The following NKAIN2 variants were observed in gnomAD, a reference collection of about 807,000 sequenced individuals.
NKAIN2 encodes sodium/potassium-transporting ATPase subunit beta-1-interacting protein 2.
A neutral mutation model predicts 32.6 loss-of-function variants in NKAIN2; 14 were observed. The observed-to-expected ratio is 0.43, with a 90% CI of 0.28 to 0.67. NKAIN2 has a LOEUF of 0.67. Among genes scored for constraint, NKAIN2 ranks in the 30% least tolerant of loss-of-function variants. The pLI, the probability that NKAIN2 is intolerant of heterozygous loss-of-function variation, is 0.17. For missense variants in NKAIN2, 198 were observed against 258.3 expected (o/e 0.77, Z 1.60); for synonymous variants, 80 against 87.2 (o/e 0.92, Z 0.46).
intron 2 of NKAIN2, among the ~76,000 whole-genome samples, chr6:124,313,592 T>C (rs1168707813): frequency 1.3e-5 from 2 of 152,132 alleles, no homozygotes; most frequent in Admixed American, 6.6e-5. Flanking sequence ...CTGGGATTTC[T>C]TCTTCTCCAG....
At chr6:124,230,391 A>G (rs1792385025) in intron 1 of NKAIN2, among the ~76,000 whole-genome samples, 1 of 152,192 alleles carries the variant, frequency 6.6e-6, no homozygotes, top group Non-Finnish European at 1.5e-5. Flanking sequence ...GTGATAGAAA[A>G]CCAAGTCTCA....
chr6:124,531,993 T>C (rs1420982000), intron 3 of NKAIN2, among the ~76,000 whole-genome samples: 3 of 152,160 alleles, frequency 2.0e-5, no homozygotes, highest in Admixed American at 2.0e-4. Context: ...TTAAAGTCTC[T>C]GGTCTAGAAG....
chr6:124,058,425 G>C (rs1183563102), intron 1 of NKAIN2, among the ~76,000 whole-genome samples: 1 of 152,004 alleles, frequency 6.6e-6, no homozygotes, highest in African/African-American at 2.4e-5. Flanking sequence ...AGCAAATTTA[G>C]CCATCTATTA....
intron 4 of NKAIN2, among the ~76,000 whole-genome samples, chr6:124,685,748 T>C (rs1020342598): frequency 4.6e-5 from 7 of 152,176 alleles, no homozygotes; most frequent in Non-Finnish European, 1.0e-4. Context: ...GATAAAAATA[T>C]CTTGACTACG....
intron 1 of NKAIN2, among the ~76,000 whole-genome samples, chr6:123,909,076 CCA>C (rs1167245327): frequency 3.3e-5 from 5 of 152,094 alleles, no homozygotes; most frequent in Admixed American, 3.3e-4. Context: ...TGAATATATT[CCA>C]GTCATTTTTT....
intron 1 of NKAIN2, among the ~76,000 whole-genome samples, chr6:124,132,668 A>C (rs1328224112): frequency 1.3e-5 from 2 of 152,140 alleles, no homozygotes; most frequent in African/African-American, 4.8e-5. Flanking sequence ...CAACACAATA[A>C]ACCTAGCTAC....
intron 4 of NKAIN2, among the ~76,000 whole-genome samples, chr6:124,675,617 A>T (rs527266505): frequency 1.9e-4 from 29 of 152,062 alleles, no homozygotes; most frequent in African/African-American, 6.3e-4. Flanking sequence ...CATGTCTTCC[A>T]AGTTATCTAA....
intron 1 of NKAIN2, among the ~76,000 whole-genome samples, chr6:123,954,376 A>G (rs1777469485): frequency 6.6e-6 from 1 of 151,914 alleles, no homozygotes; most frequent in Non-Finnish European, 1.5e-5. Flanking sequence ...AGGATATAGA[A>G]GTCCACAGTA....
At chr6:124,580,880 C>G (rs1435931541) in intron 3 of NKAIN2, among the ~76,000 whole-genome samples, 1 of 151,858 alleles carries the variant, frequency 6.6e-6, no homozygotes, top group Non-Finnish European at 1.5e-5. Flanking sequence ...AAAAACAAAA[C>G]AGAAATAGCT....
chr6:124,102,444 A>C (rs1195352293), intron 1 of NKAIN2, among the ~76,000 whole-genome samples: 3 of 152,228 alleles, frequency 2.0e-5, no homozygotes, highest in Admixed American at 2.0e-4. Flanking sequence ...AGGTGAATTT[A>C]TGTGAGGTAC....
At chr6:124,291,648 C>T (rs983738844) in intron 2 of NKAIN2, among the ~76,000 whole-genome samples, 20 of 152,196 alleles carry the variant, frequency 1.3e-4, no homozygotes, top group Middle Eastern at 3.4e-3. Context: ...AAATGTCATC[C>T]GCATACCCAG....
At chr6:123,820,977 C>T (rs928530) in intron 1 of NKAIN2, among the ~76,000 whole-genome samples, 7 of 151,934 alleles carry the variant, frequency 4.6e-5, no homozygotes, top group Non-Finnish European at 7.4e-5. Context: ...CAAACCATAG[C>T]GGGGAAAACA....
At chr6:124,316,827 A>G (rs1161862934) in intron 2 of NKAIN2, among the ~76,000 whole-genome samples, 1 of 152,154 alleles carries the variant, frequency 6.6e-6, no homozygotes, top group Non-Finnish European at 1.5e-5. Flanking sequence ...GCATCATTAT[A>G]TATTTATTCT....
chr6:124,627,841 TATAAATA>T (rs1783414025), intron 3 of NKAIN2, among the ~76,000 whole-genome samples: 1 of 152,120 alleles, frequency 6.6e-6, no homozygotes, highest in Admixed American at 6.6e-5. Flanking sequence ...AGGGAGCAGG[TATAAATA>T]CACACAGTCA....
intron 1 of NKAIN2, among the ~76,000 whole-genome samples, chr6:124,088,787 A>G (rs1784300936): frequency 6.6e-6 from 1 of 152,098 alleles, no homozygotes; most frequent in African/African-American, 2.4e-5. Flanking sequence ...TTACAAAAGC[A>G]TCTAGTAGGA....
At chr6:124,117,419 CAGAA>C (rs149795343) in intron 1 of NKAIN2, among the ~76,000 whole-genome samples, 2,687 of 152,216 alleles carry the variant, frequency 0.018, 74 homozygotes, top group African/African-American at 0.061. Context: ...ATGAATGAGA[CAGAA>C]AGCTGACCTG....
chr6:124,796,323 G>T (rs1779996493), intron 5 of NKAIN2, among the ~76,000 whole-genome samples: 1 of 152,082 alleles, frequency 6.6e-6, no homozygotes, highest in African/African-American at 2.4e-5. Flanking sequence ...CTATCCTTAT[G>T]ACCCCATTTA....
intron 1 of NKAIN2, among the ~76,000 whole-genome samples, chr6:124,019,191 G>A (rs1018018367): frequency 4.6e-5 from 7 of 152,176 alleles, no homozygotes; most frequent in African/African-American, 1.7e-4. Context: ...ACAACACATG[G>A]GAATTATGGG....
chr6:124,595,742 A>G (rs1782061109), intron 3 of NKAIN2, among the ~76,000 whole-genome samples: 1 of 152,206 alleles, frequency 6.6e-6, no homozygotes, highest in Non-Finnish European at 1.5e-5. Context: ...TGAATTACTT[A>G]TTGAGATATT....
Sources: allele counts gnomAD v4.1 joint callset (sites outside exome capture counted in the v4.1 genomes callset), GRCh38; gene constraint gnomAD v4.1.1; transcripts MANE v1.5; gene names NCBI Gene and HGNC (gene_info 2026-07-23, HGNC 2026-07-21).